Variants in IL17RD observed in about 807,000 individuals in gnomAD.
IL17RD encodes interleukin-17 receptor D.
Under a neutral mutation model 80.5 loss-of-function variants are expected in IL17RD, and 52 were observed. The observed-to-expected ratio is 0.65, with a 90% CI of 0.52 to 0.81. The LOEUF is 0.81. Ranked by LOEUF, IL17RD falls within the 40% of genes least tolerant of loss-of-function variation. The pLI is 0.00. For synonymous variants in IL17RD, 416 were observed against 391.8 expected, an observed-to-expected ratio of 1.06 and a Z score of -0.73; for missense variants, 1,024 against 955.1, an observed-to-expected ratio of 1.07 and a Z score of -0.95.
intron 1 of IL17RD, among the ~76,000 whole-genome samples, chr3:57,159,931 G>A (rs930956766): frequency 6.6e-6 from 1 of 152,180 alleles, no homozygotes; most frequent in Non-Finnish European, 1.5e-5. Context: ...CAGCACTTTG[G>A]GAGGCCAAGG....
In IL17RD at chr3:57,111,864, A is replaced by C. The variant is rs140876525; in HGVS notation, c.311-1553T>G. On this transcript the variant is annotated intron_variant, in intron 3 of 12. Transcript: ENST00000296318. ...GTAGTCCCAGCTACTCGGAAGGCTG[A>C]GTCAGGAGAATGGTGTGAACCTGGG... 7.7e-3 allele frequency among the ~76,000 whole-genome samples: 1,173 copies of C among 151,704 alleles called. 17 individuals are homozygous for C. The highest frequency in any genetic ancestry group is 0.027 in the African/African-American group (1,118 of 41,348).
At position 57,098,396 on chromosome 3, in the gene IL17RD, T is replaced by C; in HGVS notation, c.1307A>G (p.Lys436Arg). 1.2e-6 allele frequency: 2 copies of C among 1,614,018 alleles called. No homozygotes were observed. The highest frequency in any genetic ancestry group is 1.7e-5 in the Admixed American group (1 of 60,028). ...MKYFVDKKNY[K>R]HKGGGRGSGK... ...CGAGCCTCGGCCACCTCCTTTGTGT[T>C]TGTAGTTCTTCTTGTCCACAAAGTA... Residue 436 changes from lysine to arginine, a missense_variant, in exon 12 of 13, where the codon AAA (lysine) becomes AGA (arginine). Transcript: ENST00000296318.
At chr3:57,110,371 C>CT in intron 3 of IL17RD, 60 bp from the exon 4 acceptor site, 4 of 1,523,732 alleles carry the variant, frequency 2.6e-6, no homozygotes, top group Non-Finnish European at 3.6e-6. Context: ...ACACACTCTT[C>CT]TTCCTCCAAG....
rs1340813803 is a variant in IL17RD at position 57,090,278 on chromosome 3, C to A, written c.*6115G>T. 6.6e-6 allele frequency: 1 copy of A among 152,580 alleles called. No homozygotes were observed. The highest frequency in any genetic ancestry group is 1.5e-5 in the Non-Finnish European group (1 of 68,036). The allele number at this position is 152,580 out of a possible 1,614,324, so 9.5% of individuals were successfully genotyped here. A position where few individuals can be genotyped will look rare whatever the true frequency, so the allele number is the denominator to read the frequency against. Reference sequence around the variant, plus strand: ...CAGGGAGTTTCCACAGGGAAAAATTCTCTTTTAAAAAATTAACAGTAAAAA... The same window carrying A: ...CAGGGAGTTTCCACAGGGAAAAATTATCTTTTAAAAAATTAACAGTAAAAA... On this transcript the variant is annotated 3_prime_UTR_variant, in exon 13 of 13. Transcript: ENST00000296318.
intron 12 of IL17RD, 121 bp from the exon 13 acceptor site, chr3:57,096,626 A>G: frequency 1.4e-6 from 1 of 721,460 alleles, no homozygotes. Context: ...AAACGAGGCA[A>G]GAATCCCAAC....
At chr3:57,153,918 G>A (rs999069175) in intron 1 of IL17RD, among the ~76,000 whole-genome samples, 5 of 152,056 alleles carry the variant, frequency 3.3e-5, no homozygotes, top group African/African-American at 1.2e-4. Flanking sequence ...GGTTGGGATG[G>A]CAACAACTTC....
At chr3:57,119,388 G>T (rs1305862136) in intron 2 of IL17RD, among the ~76,000 whole-genome samples, 1 of 151,734 alleles carries the variant, frequency 6.6e-6, no homozygotes, top group South Asian at 2.1e-4. Context: ...ACAAAACTAG[G>T]TGTGGTGGCA....
intron 2 of IL17RD, among the ~76,000 whole-genome samples, chr3:57,117,087 A>G (rs1707233306): frequency 1.3e-5 from 2 of 150,920 alleles, no homozygotes; most frequent in South Asian, 4.2e-4. Flanking sequence ...TTCTGTAAAT[A>G]TAGTTATGCA....
rs116225486 is a variant in IL17RD, at chr3:57,135,728, G to C, written c.127-15415C>G. 3.1e-3 allele frequency among the ~76,000 whole-genome samples: 479 copies of C among 152,316 alleles called. 2 individuals carry two copies. Among genetic ancestry groups the C allele is most frequent in the Middle Eastern group, 6.8e-3 (2 of 294 alleles). On this transcript the variant is annotated intron_variant, in intron 1 of 12. Transcript: ENST00000296318. ...GAAATAACAAAAAGAGCCTAATAAA[G>C]TGAGTTAGGACCACTGGGCAAAATT...
intron 11 of IL17RD, among the ~76,000 whole-genome samples, chr3:57,099,433 G>C (rs1307338152): frequency 2.0e-5 from 3 of 152,118 alleles, no homozygotes; most frequent in African/African-American, 7.2e-5. Context: ...ACATCTCTTG[G>C]TTATTGTGTT....
intron 1 of IL17RD, among the ~76,000 whole-genome samples, chr3:57,156,309 G>A (rs1374094187): frequency 6.6e-6 from 1 of 152,144 alleles, no homozygotes; most frequent in Non-Finnish European, 1.5e-5. Flanking sequence ...GGCCAGGCAT[G>A]GTGGCTCATG....
intron 9 of IL17RD, among the ~76,000 whole-genome samples, 162 bp from the exon 10 acceptor site, chr3:57,102,751 C>A (rs1256625779): frequency 6.6e-6 from 1 of 152,222 alleles, no homozygotes; most frequent in Non-Finnish European, 1.5e-5. Flanking sequence ...TTCAAAGGTT[C>A]ATATTTAAAG....
At chr3:57,127,940 C>T (rs1000216609) in intron 1 of IL17RD, among the ~76,000 whole-genome samples, 5 of 152,170 alleles carry the variant, frequency 3.3e-5, no homozygotes, top group African/African-American at 1.2e-4. Flanking sequence ...TTAACAACAA[C>T]AACAAAAAGT....
chr3:57,126,375 T>C (rs1024496167), intron 1 of IL17RD, among the ~76,000 whole-genome samples: 1 of 152,148 alleles, frequency 6.6e-6, no homozygotes, highest in African/African-American at 2.4e-5. Context: ...GAAAACATCT[T>C]TAACTCAGGA....
chr3:57,127,412 A>ATATATTT lies in IL17RD; in HGVS notation c.127-7100_127-7099insAAATATA, dbSNP rs1246159104. Among the ~76,000 whole-genome samples, 149 of 91,192 alleles carry ATATATTT rather than the reference A, an allele frequency of 1.6e-3. 10 individuals are homozygous for ATATATTT. Among genetic ancestry groups the ATATATTT allele is most frequent in the African/African-American group, 6.4e-3 (131 of 20,470 alleles). 59.8% of individuals were successfully genotyped at this position (91,192 alleles called of 152,430 possible). A position where few individuals can be genotyped will look rare whatever the true frequency, so the allele number is the denominator to read the frequency against. ...AATAAATAAATATATATATATATAT[A>ATATATTT]TTTTTTTTTTGAGATAAGAGTCTTG... On this transcript the variant is annotated intron_variant, in intron 1 of 12. Transcript: ENST00000296318.
intron 8 of IL17RD, 93 bp from the exon 9 acceptor site, chr3:57,103,238 A>G: frequency 9.0e-7 from 1 of 1,113,382 alleles, no homozygotes; most frequent in Non-Finnish European, 1.3e-6. Context: ...CTTTTCCATC[A>G]GTGGGCAGTG....
intron 10 of IL17RD, 26 bp from the exon 11 acceptor site, chr3:57,101,389 G>A: frequency 1.4e-6 from 2 of 1,454,414 alleles, no homozygotes; most frequent in African/African-American, 2.8e-5. Flanking sequence ...AGATAAGGTT[G>A]ATACTTGCAA....
chr3:57,100,454 T>C (rs1337924878), intron 11 of IL17RD, among the ~76,000 whole-genome samples: 1 of 152,228 alleles, frequency 6.6e-6, no homozygotes, highest in Non-Finnish European at 1.5e-5. Flanking sequence ...AAATGTACAT[T>C]CTGACATTAT....
chr3:57,159,697 G>C (rs1037014657), intron 1 of IL17RD, among the ~76,000 whole-genome samples: 1 of 149,260 alleles, frequency 6.7e-6, no homozygotes, highest in Non-Finnish European at 1.5e-5. Flanking sequence ...ATGGGAAATG[G>C]AAAAGGTCTG....
Sources: gnomAD v4.1 joint callset for allele counts (sites outside exome capture counted in the v4.1 genomes callset) on GRCh38, gnomAD v4.1.1 for gene constraint, MANE v1.5 for transcripts, NCBI Gene and HGNC (gene_info 2026-07-23, HGNC 2026-07-21) for gene names.